ARHGEF9: variants seen among roughly 807,000 people sequenced by gnomAD.
ARHGEF9 encodes rho guanine nucleotide exchange factor 9.
Under a neutral mutation model 41.3 loss-of-function variants are expected in ARHGEF9, and 2 were observed. That is an observed-to-expected ratio of 0.05 (90% confidence interval 0.02 to 0.15). The LOEUF (loss-of-function observed/expected upper bound fraction) is 0.15, where lower values mean the gene tolerates loss of function less well. ARHGEF9 is among the 10% of genes least tolerant of loss of function. The pLI is 1.00. For synonymous variants in ARHGEF9, 160 were observed against 154.4 expected (o/e 1.04, Z -0.27); for missense variants, 225 against 424.7 (o/e 0.53, Z 4.13).
chrX:63,683,528 C>A (rs2050787644), intron 4 of ARHGEF9, among the ~76,000 whole-genome samples: 1 of 111,406 alleles, frequency 9.0e-6, no homozygotes, highest in Admixed American at 9.5e-5. Flanking sequence ...CCAAACTAGA[C>A]CCTTGATAGC....
intron 7 of ARHGEF9, among the ~76,000 whole-genome samples, chrX:63,661,458 C>T (rs1359820838): frequency 8.9e-6 from 1 of 111,742 alleles, no homozygotes; most frequent in African/African-American, 3.3e-5. Flanking sequence ...AAAAAAATCC[C>T]CTCAAAGCAT....
intron 1 of ARHGEF9, among the ~76,000 whole-genome samples, chrX:63,766,041 G>T (rs1317131772): frequency 8.9e-6 from 1 of 111,856 alleles, no homozygotes; most frequent in East Asian, 2.8e-4. Flanking sequence ...CCTCTTCCCC[G>T]CTGTATTTTT....
chrX:63,706,203 C>T, intron 3 of ARHGEF9, 55 bp downstream of exon 3: 1 of 1,141,067 alleles, frequency 8.8e-7, no homozygotes, highest in African/African-American at 1.8e-5. Context: ...AGGCAGGGCC[C>T]AGGAGGGTTG....
chrX:63,748,927 T>G (rs1447196760), intron 1 of ARHGEF9, among the ~76,000 whole-genome samples: 2 of 112,086 alleles, frequency 1.8e-5, no homozygotes, highest in African/African-American at 3.2e-5. Flanking sequence ...TAAAGAAATA[T>G]AGAAAAATAA....
At chrX:63,740,104 A>G (rs1300905727) in intron 1 of ARHGEF9, among the ~76,000 whole-genome samples, 1 of 112,155 alleles carries the variant, frequency 8.9e-6, no homozygotes, top group African/African-American at 3.2e-5. Flanking sequence ...CTGGTCTTGC[A>G]TTTCCTAGTT....
At chrX:63,747,882 C>T (rs782358850) in intron 1 of ARHGEF9, among the ~76,000 whole-genome samples, 1 of 112,570 alleles carries the variant, frequency 8.9e-6, no homozygotes, top group South Asian at 3.7e-4. Context: ...AGTTGTAGTA[C>T]TGACCCTCAG....
intron 1 of ARHGEF9, among the ~76,000 whole-genome samples, chrX:63,741,581 T>C (rs1312871471): frequency 1.8e-5 from 2 of 112,544 alleles, no homozygotes; most frequent in Admixed American, 1.9e-4. Flanking sequence ...GAGTGTTGTT[T>C]GCCCAAGTAG....
In ARHGEF9 at chrX:63,770,768, T is replaced by C. The variant is rs782648922; in HGVS notation, c.30+14348A>G. Among the ~76,000 whole-genome samples, 4 of 111,876 alleles carry C rather than the reference T, an allele frequency of 3.6e-5. No homozygotes were observed. In the East Asian group the frequency reaches 1.1e-3, roughly 31 times the overall value. ...AGTGAGTTCTCACAAGATCTGATGG[T>C]TTTATAAGTACCTGGCATTTCCTCT... On this transcript the variant is annotated intron_variant, in intron 1 of 9. Transcript: ENST00000671741.
chrX:63,635,416 C>A lies in ARHGEF9; in HGVS notation c.*2612G>T, dbSNP rs2047271270. On this transcript the variant is annotated 3_prime_UTR_variant, in exon 10 of 10. Coordinates refer to ENST00000671741, the MANE Select transcript of ARHGEF9 (RefSeq NM_001353921.2). ...GAGTTGAGGAAAAGGGAGCTCAGGG[C>A]CATGCGGAAATTACAACATTACAGA... is the stretch of plus-strand genomic sequence containing the variant. The A allele has an allele frequency of 1.9e-6, 1 of 522,044 alleles. No homozygotes were observed. The highest frequency in any genetic ancestry group is 2.3e-5 in the African/African-American group (1 of 43,543). The allele number at this position is 522,044 out of a possible 1,213,427, so 43.0% of individuals were successfully genotyped here. A position where few individuals can be genotyped will look rare whatever the true frequency, so the allele number is the denominator to read the frequency against.
At chrX:63,782,119 GT>G (rs782787817) in intron 1 of ARHGEF9, among the ~76,000 whole-genome samples, 1 of 111,281 alleles carries the variant, frequency 9.0e-6, no homozygotes, top group South Asian at 3.8e-4. Flanking sequence ...TTCTGTTATG[GT>G]TTAATGAACT....
chrX:63,661,282 A>T (rs1301378829), intron 7 of ARHGEF9, among the ~76,000 whole-genome samples: 2 of 111,726 alleles, frequency 1.8e-5, no homozygotes, highest in African/African-American at 6.5e-5. Flanking sequence ...TCTGCCCAAC[A>T]TCATTACACG....
intron 5 of ARHGEF9, among the ~76,000 whole-genome samples, chrX:63,677,378 T>A (rs1432839571): frequency 1.1e-4 from 12 of 112,035 alleles, no homozygotes; most frequent in African/African-American, 2.9e-4. Context: ...ATCTTCTCCC[T>A]CAGGGGCCAT....
chrX:63,658,855 G>T (rs1181130257), intron 7 of ARHGEF9, among the ~76,000 whole-genome samples: 1 of 112,014 alleles, frequency 8.9e-6, no homozygotes, highest in Non-Finnish European at 1.9e-5. Context: ...TCAGGACAGG[G>T]TGGTATTTGT....
Position 63,665,961 on chromosome X carries a change from C to G in ARHGEF9, c.1002G>C (p.Trp334Cys). Residue 334 changes from tryptophan (W) to cysteine (C), a missense_variant, in exon 7 of 10, where the codon TGG becomes TGC. Transcript: ENST00000671741. ...GGTTGCGGCCGTAGGGCTGGTAGAT[C>G]CAGGCCATCTCCCCAGTGTAGATCA... is the stretch of plus-strand genomic sequence containing the variant. ...SELIYTGEMA[W>C]IYQPYGRNQQ... 1 of 1,210,437 alleles carries G rather than the reference C, an allele frequency of 8.3e-7. No individual in the cohort carries two copies. The highest frequency in any genetic ancestry group is 1.7e-5 in the African/African-American group (1 of 57,652).
chrX:63,776,802 T>C (rs1372377773), intron 1 of ARHGEF9, among the ~76,000 whole-genome samples: 1 of 111,799 alleles, frequency 8.9e-6, no homozygotes, highest in African/African-American at 3.3e-5. Flanking sequence ...CCTCTCACTT[T>C]CCCAAGCTGT....
rs781901799 is a variant in ARHGEF9 at position 63,655,755 on chromosome X, G to T, written c.1078-18C>A. On this transcript the variant is annotated intron_variant, in intron 7 of 9. Coordinates refer to ENST00000671741, the MANE Select transcript of ARHGEF9 (RefSeq NM_001353921.2). ...ATTAGGTCCTAGATGGGAAGGAAGA[G>T]GTTTCTTGAAGGTATGTGCACGGCG... 6.6e-6 allele frequency: 8 copies of T among 1,205,083 alleles called. No homozygotes were observed. Among genetic ancestry groups the T allele is most frequent in the African/African-American group, 1.7e-5 (1 of 57,759 alleles).
chrX:63,697,016 A>G, intron 4 of ARHGEF9, 109 bp downstream of exon 4: 2 of 864,385 alleles, frequency 2.3e-6, no homozygotes, highest in Non-Finnish European at 3.2e-6. Context: ...AGAGGAACCC[A>G]TTCCCCACTG....
chrX:63,719,240 T>C (rs782234017), intron 2 of ARHGEF9, among the ~76,000 whole-genome samples: 27 of 112,137 alleles, frequency 2.4e-4, no homozygotes, highest in African/African-American at 8.4e-4. Context: ...ATAAATGATA[T>C]AAATGTTTAA....
chrX:63,751,997 C>T (rs1325544197), intron 1 of ARHGEF9, among the ~76,000 whole-genome samples: 1 of 111,794 alleles, frequency 8.9e-6, no homozygotes, highest in African/African-American at 3.3e-5. Flanking sequence ...CTCAGAGACC[C>T]CTTCTCCCCT....
Sources: allele counts gnomAD v4.1 joint callset (sites outside exome capture counted in the v4.1 genomes callset), GRCh38; gene constraint gnomAD v4.1.1; transcripts MANE v1.5; gene names NCBI Gene and HGNC (gene_info 2026-07-23, HGNC 2026-07-21).